The following DLGAP2 variants were observed in gnomAD, a reference collection of about 807,000 sequenced individuals.
DLGAP2 encodes the protein DLG associated protein 2, also known as disks large-associated protein 2.
DLGAP2 carries 26 observed loss-of-function variants against 100.3 expected under a neutral mutation model. That is an observed-to-expected ratio of 0.26 (90% CI 0.19 to 0.36). The LOEUF (loss-of-function observed/expected upper bound fraction) is 0.36, where lower values mean the gene tolerates loss of function less well. Among genes scored for constraint, DLGAP2 ranks in the 10% least tolerant of loss-of-function variants. DLGAP2 has a pLI of 1.00. For synonymous variants in DLGAP2, 886 were observed against 630.1 expected (o/e 1.41, Z -6.08); for missense variants, 1,858 against 1,453.2 (o/e 1.28, Z -4.53).
chr8:1,668,745 C>T, intron 9 of DLGAP2, 67 bp downstream of exon 9: 1 of 1,379,952 alleles, frequency 7.2e-7, no homozygotes, highest in South Asian at 1.5e-5. Flanking sequence ...TAGAATAAGC[C>T]AAAACCCAAC....
intron 13 of DLGAP2, among the ~76,000 whole-genome samples, 196 bp downstream of exon 13, chr8:1,691,822 G>A (rs569060975): frequency 1.3e-5 from 2 of 151,300 alleles, no homozygotes; most frequent in South Asian, 2.1e-4. Flanking sequence ...TACCGAGGCA[G>A]GGAGGCGGAT....
intron 8 of DLGAP2, among the ~76,000 whole-genome samples, chr8:1,648,010 C>T (rs1347557114): frequency 6.6e-6 from 1 of 152,234 alleles, no homozygotes; most frequent in East Asian, 1.9e-4. Context: ...TCGGTCATCT[C>T]TTCCACATTT....
chr8:1,286,705 T>A (rs1799928674), intron 3 of DLGAP2, among the ~76,000 whole-genome samples: 1 of 152,162 alleles, frequency 6.6e-6, no homozygotes, highest in African/African-American at 2.4e-5. Flanking sequence ...CTCCAAGGCA[T>A]TAAGCAGAGC....
At chr8:1,359,347 G>T (rs989126907) in intron 3 of DLGAP2, among the ~76,000 whole-genome samples, 1 of 152,242 alleles carries the variant, frequency 6.6e-6, no homozygotes, top group African/African-American at 2.4e-5. Context: ...AGGCACTCCG[G>T]CGCAGTTTAG....
intron 3 of DLGAP2, among the ~76,000 whole-genome samples, chr8:1,276,401 C>T (rs528042963): frequency 2.6e-4 from 40 of 151,972 alleles, no homozygotes; most frequent in Non-Finnish European, 4.7e-4. Flanking sequence ...GGATCTTGGC[C>T]GCACGTTGGG....
chr8:882,400 GCGGAGGCCTCT>G (rs1221914289), intron 1 of DLGAP2, among the ~76,000 whole-genome samples: 28 of 147,504 alleles, frequency 1.9e-4, no homozygotes, highest in African/African-American at 4.5e-4. Context: ...ACCTCTCCCT[GCGGAGGCCTCT>G]CCTGCGCGCA....
chr8:1,619,691 A>G (rs1245683848), intron 6 of DLGAP2: 1 of 152,216 alleles, frequency 6.6e-6, no homozygotes, highest in African/African-American at 2.4e-5. Context: ...TGCATGTAAC[A>G]TTCTTACCTT....
At chr8:1,606,230 C>T (rs188904031) in intron 6 of DLGAP2, among the ~76,000 whole-genome samples, 41 of 152,250 alleles carry the variant, frequency 2.7e-4, no homozygotes, top group East Asian at 2.3e-3. Context: ...AAATAGAGTG[C>T]TCTTCGTATC....
At chr8:1,319,457 C>T (rs1023580677) in intron 3 of DLGAP2, among the ~76,000 whole-genome samples, 3 of 152,208 alleles carry the variant, frequency 2.0e-5, no homozygotes, top group Non-Finnish European at 4.4e-5. Context: ...TCTTCCAGCT[C>T]TGCACCCTCG....
intron 2 of DLGAP2, among the ~76,000 whole-genome samples, chr8:1,099,127 C>G (rs903515098): frequency 1.3e-5 from 2 of 152,166 alleles, no homozygotes; most frequent in Admixed American, 6.5e-5. Flanking sequence ...AGTTCTCAGC[C>G]TCGCCGGTGT....
intron 2 of DLGAP2, among the ~76,000 whole-genome samples, chr8:1,185,099 G>C (rs895432846): frequency 2.0e-5 from 3 of 152,116 alleles, no homozygotes; most frequent in African/African-American, 7.2e-5. Context: ...GCCTCTCTTG[G>C]GGTGTTGGGG....
intron 3 of DLGAP2, among the ~76,000 whole-genome samples, chr8:1,420,315 GT>G (rs1396341461): frequency 6.6e-6 from 1 of 152,120 alleles, no homozygotes; most frequent in Non-Finnish European, 1.5e-5. Flanking sequence ...AAACCATGGG[GT>G]TTTAGGAGCT....
chr8:976,249 C>A (rs907345024), intron 2 of DLGAP2, among the ~76,000 whole-genome samples: 6 of 152,120 alleles, frequency 3.9e-5, no homozygotes, highest in Non-Finnish European at 7.4e-5. Context: ...TAGAAAGGTA[C>A]TGTAATGAAG....
chr8:768,418 ATTTTTTTTTT>A (rs58234397), intron 1 of DLGAP2, among the ~76,000 whole-genome samples: 7 of 99,960 alleles, frequency 7.0e-5, no homozygotes, highest in African/African-American at 1.6e-4. Context: ...GAAGGCGTTG[ATTTTTTTTTT>A]TTTTTTTTTT....
At chr8:854,442 C>T (rs1243956119) in intron 1 of DLGAP2, among the ~76,000 whole-genome samples, 1 of 152,078 alleles carries the variant, frequency 6.6e-6, no homozygotes, top group Non-Finnish European at 1.5e-5. Context: ...AGTCTGAGGC[C>T]AGGAGGCTGT....
At chr8:1,613,626 A>G (rs1001755337) in intron 6 of DLGAP2, among the ~76,000 whole-genome samples, 1 of 152,232 alleles carries the variant, frequency 6.6e-6, no homozygotes, top group Non-Finnish European at 1.5e-5. Flanking sequence ...GACAAGGGCG[A>G]TGCCTTCATA....
chr8:751,317 G>C (rs994614968), intron 1 of DLGAP2, among the ~76,000 whole-genome samples: 1 of 149,164 alleles, frequency 6.7e-6, no homozygotes, highest in African/African-American at 2.4e-5. Flanking sequence ...ACCCTCTCAC[G>C]GAAAGGAGCA....
At chr8:1,235,577 ACC>A (rs1798634611) in intron 2 of DLGAP2, among the ~76,000 whole-genome samples, 1 of 12,282 alleles carries the variant, frequency 8.1e-5, no homozygotes, top group African/African-American at 2.5e-4. Context: ...CTCACATGGC[ACC>A]ATGTCTAGTT....
At chr8:945,004 T>C (rs977110381) in intron 2 of DLGAP2, among the ~76,000 whole-genome samples, 4 of 152,188 alleles carry the variant, frequency 2.6e-5, no homozygotes, top group African/African-American at 9.7e-5. Context: ...TCTGGGTGTT[T>C]AACACAATCT....
Sources: allele counts gnomAD v4.1 joint callset (sites outside exome capture counted in the v4.1 genomes callset), GRCh38; gene constraint gnomAD v4.1.1; transcripts MANE v1.5; gene names NCBI Gene and HGNC (gene_info 2026-07-23, HGNC 2026-07-21).